Variants in RYR2 observed in about 807,000 individuals in gnomAD.
RYR2 encodes ryanodine receptor 2, also known as cardiac muscle ryanodine receptor-calcium release channel.
Under a neutral mutation model 601.1 loss-of-function variants are expected in RYR2, and 227 were observed. The ratio of observed to expected loss-of-function variants is 0.38; its 90% confidence interval spans 0.34 to 0.42. RYR2 has a LOEUF of 0.42. RYR2 is among the 10% of genes least tolerant of loss of function. RYR2 has a pLI of 1.00. For synonymous variants in RYR2, 2,223 were observed against 2,175.1 expected, an observed-to-expected ratio of 1.02 and a Z score of -0.61; for missense variants, 4,646 against 6,156.5, an observed-to-expected ratio of 0.75 and a Z score of 8.21.
intron 84 of RYR2, among the ~76,000 whole-genome samples, chr1:237,765,320 T>C (rs1382767813): frequency 2.1e-5 from 1 of 48,592 alleles, no homozygotes; most frequent in African/African-American, 2.2e-4. Context: ...GATACTGAAT[T>C]TTTTTTTTTT....
chr1:237,807,122 T>A (rs1176797741), intron 99 of RYR2, among the ~76,000 whole-genome samples: 1 of 152,222 alleles, frequency 6.6e-6, no homozygotes, highest in African/African-American at 2.4e-5. Flanking sequence ...AGCATGATTC[T>A]TACATATGTC....
intron 1 of RYR2, among the ~76,000 whole-genome samples, chr1:237,146,638 T>TG (rs1364117484): frequency 1.7e-4 from 26 of 152,232 alleles, no homozygotes; most frequent in African/African-American, 6.0e-4. Flanking sequence ...CACCAGTTTC[T>TG]GTCCACTAGC....
chr1:237,152,954 T>A (rs535349233), intron 1 of RYR2, among the ~76,000 whole-genome samples: 2 of 152,248 alleles, frequency 1.3e-5, no homozygotes, highest in Non-Finnish European at 2.9e-5. Flanking sequence ...CTTGAATAAA[T>A]TTATAAGAAA....
chr1:237,521,678 C>G (rs1667098978), intron 24 of RYR2, among the ~76,000 whole-genome samples: 1 of 152,010 alleles, frequency 6.6e-6, no homozygotes, highest in Admixed American at 6.5e-5. Flanking sequence ...CGAGATCATG[C>G]TGCTGCACTC....
chr1:237,349,044 A>G (rs1305490359), intron 3 of RYR2, among the ~76,000 whole-genome samples: 1 of 152,242 alleles, frequency 6.6e-6, no homozygotes, highest in Non-Finnish European at 1.5e-5. Context: ...ATAAAATCTA[A>G]CATGCGAGTA....
chr1:237,535,245 G>T (rs1249986724), intron 25 of RYR2, among the ~76,000 whole-genome samples: 1 of 151,798 alleles, frequency 6.6e-6, no homozygotes, highest in Non-Finnish European at 1.5e-5. Flanking sequence ...GATGCCAAGA[G>T]CCTGTTTTAA....
intron 58 of RYR2, among the ~76,000 whole-genome samples, chr1:237,672,046 A>G (rs1558189572): frequency 6.6e-6 from 1 of 152,130 alleles, no homozygotes; most frequent in Non-Finnish European, 1.5e-5. Context: ...CCTTCAGCAC[A>G]AGATGTCTAC....
At chr1:237,592,582 G>A (rs928491213) in intron 32 of RYR2, among the ~76,000 whole-genome samples, 1 of 150,644 alleles carries the variant, frequency 6.6e-6, no homozygotes, top group Non-Finnish European at 1.5e-5. Flanking sequence ...GCAGTGAGCC[G>A]ACACGGTGTC....
rs762184461 is a variant in RYR2, at chr1:237,622,283, C to T, written c.5917-1482C>T. ...AACTGAACCATTAATGTTAGCAGCG[C>T]GTAGTTATCCCTTATAAAGATTAAC... On this transcript the variant is annotated intron_variant, in intron 38 of 104. Transcript: ENST00000366574. Among the ~76,000 whole-genome samples, 8 of 152,186 alleles carry T rather than the reference C, an allele frequency of 5.3e-5. 1 individual carries two copies. The highest frequency in any genetic ancestry group is 6.8e-3 in the Middle Eastern group (2 of 294).
intron 2 of RYR2, among the ~76,000 whole-genome samples, chr1:237,313,695 C>T (rs1459491260): frequency 6.6e-6 from 1 of 152,118 alleles, no homozygotes; most frequent in Non-Finnish European, 1.5e-5. Context: ...TAACTTGTTA[C>T]AGCAATGTTG....
At chr1:237,119,973 A>C (rs1465055879) in intron 1 of RYR2, among the ~76,000 whole-genome samples, 1 of 152,158 alleles carries the variant, frequency 6.6e-6, no homozygotes, top group Admixed American at 6.5e-5. Flanking sequence ...GAGCACAGGC[A>C]AATGTTTTTG....
chr1:237,395,122 G>A (rs1702707707), intron 10 of RYR2, among the ~76,000 whole-genome samples: 1 of 152,128 alleles, frequency 6.6e-6, no homozygotes, highest in Non-Finnish European at 1.5e-5. Context: ...TTTGGGCGGG[G>A]ACACAAATCC....
intron 97 of RYR2, 143 bp downstream of exon 97, chr1:237,798,313 A>G (rs753107147): frequency 4.0e-5 from 28 of 703,442 alleles, no homozygotes; most frequent in Non-Finnish European, 5.6e-5. Flanking sequence ...TATAAAGTCT[A>G]CTTTTACACT....
At chr1:237,371,080 A>T (rs1450088806) in intron 6 of RYR2, among the ~76,000 whole-genome samples, 3 of 152,108 alleles carry the variant, frequency 2.0e-5, no homozygotes, top group African/African-American at 4.8e-5. Context: ...GGAGGCTTTT[A>T]AAAAAAGTTT....
At chr1:237,749,811 C>T (rs955030117) in intron 80 of RYR2, among the ~76,000 whole-genome samples, 3 of 152,200 alleles carry the variant, frequency 2.0e-5, no homozygotes, top group South Asian at 2.1e-4. Context: ...AATAAACTCC[C>T]TGTGTTTTAG....
At chr1:237,195,626 TG>T (rs1680475338) in intron 1 of RYR2, among the ~76,000 whole-genome samples, 1 of 152,224 alleles carries the variant, frequency 6.6e-6, no homozygotes, top group Non-Finnish European at 1.5e-5. Flanking sequence ...TTAGCACATA[TG>T]TATGCATATA....
chr1:237,602,356 C>A (rs577043180), intron 35 of RYR2, among the ~76,000 whole-genome samples: 1 of 151,636 alleles, frequency 6.6e-6, no homozygotes, highest in Non-Finnish European at 1.5e-5. Flanking sequence ...AAAAAAATGC[C>A]GAGATTACAC....
chr1:237,526,158 C>T (rs1421169623), intron 24 of RYR2, among the ~76,000 whole-genome samples: 1 of 152,072 alleles, frequency 6.6e-6, no homozygotes, highest in Non-Finnish European at 1.5e-5. Context: ...GCTACATCCT[C>T]ACCCACATCT....
intron 100 of RYR2, among the ~76,000 whole-genome samples, chr1:237,809,545 G>A (rs1661036597): frequency 6.6e-6 from 1 of 152,106 alleles, no homozygotes; most frequent in African/African-American, 2.4e-5. Flanking sequence ...TTATATCGCT[G>A]TTCTACAACC....
Sources: gnomAD v4.1 joint callset for allele counts (sites outside exome capture counted in the v4.1 genomes callset) on GRCh38, gnomAD v4.1.1 for gene constraint, MANE v1.5 for transcripts, NCBI Gene and HGNC (gene_info 2026-07-23, HGNC 2026-07-21) for gene names.